FRMD6: variants seen among roughly 807,000 people sequenced by gnomAD.
FRMD6 encodes the protein FERM domain-containing protein 6.
FRMD6 carries 37 observed loss-of-function variants against 73.2 expected under a neutral mutation model. The observed-to-expected ratio is 0.51, with a 90% CI of 0.39 to 0.66. The LOEUF (loss-of-function observed/expected upper bound fraction) is 0.66, where lower values mean the gene tolerates loss of function less well. Among genes scored for constraint, FRMD6 ranks in the 30% least tolerant of loss-of-function variants. The pLI, the probability that FRMD6 is intolerant of heterozygous loss-of-function variation, is 0.00. For missense variants in FRMD6, 714 were observed against 780.5 expected, an observed-to-expected ratio of 0.91 and a Z score of 1.02; for synonymous variants, 273 against 282.2, an observed-to-expected ratio of 0.97 and a Z score of 0.33.
upstream of FRMD6, among the ~76,000 whole-genome samples, chr14:51,486,920 T>C (rs146548267): frequency 2.9e-3 from 430 of 146,200 alleles, 2 homozygotes; most frequent in South Asian, 5.6e-3. Context: ...CAGGATAGTA[T>C]ATAGGGTATA....
intron 1 of FRMD6, among the ~76,000 whole-genome samples, chr14:51,566,901 G>C (rs907120318): frequency 7.9e-5 from 12 of 152,218 alleles, no homozygotes; most frequent in Non-Finnish European, 1.6e-4. Flanking sequence ...TCACAGAATT[G>C]GTTGAGGTTG....
chr14:51,508,197 G>A (rs554572214), intron 1 of FRMD6, among the ~76,000 whole-genome samples: 11 of 151,924 alleles, frequency 7.2e-5, no homozygotes, highest in African/African-American at 2.4e-4. Flanking sequence ...GACCCCATCC[G>A]GCCCTGCCTG....
At chr14:51,509,398 A>G (rs1367706097) in intron 1 of FRMD6, among the ~76,000 whole-genome samples, 1 of 151,960 alleles carries the variant, frequency 6.6e-6, no homozygotes, top group Non-Finnish European at 1.5e-5. Flanking sequence ...GTAGTGGCAG[A>G]TGCCTGTAGT....
At chr14:51,416,099 A>C in the FRMD6 span, among the ~76,000 whole-genome samples, 2 of 152,100 alleles carry the variant, frequency 1.3e-5, no homozygotes, top group African/African-American at 4.8e-5. Context: ...TTTTCAAAAA[A>C]CCAGCTCCTG....
At chr14:51,496,643 A>C (rs1056325419) in intron 1 of FRMD6, among the ~76,000 whole-genome samples, 3 of 152,360 alleles carry the variant, frequency 2.0e-5, no homozygotes, top group African/African-American at 7.2e-5. Flanking sequence ...ATTGGGTAAA[A>C]CAAGTAAAAA....
chr14:51,460,275 G>A, the FRMD6 span, among the ~76,000 whole-genome samples: 1 of 152,120 alleles, frequency 6.6e-6, no homozygotes, highest in African/African-American at 2.4e-5. Context: ...GGGAACTGTT[G>A]GGGGAACTTG....
intron 2 of FRMD6, among the ~76,000 whole-genome samples, chr14:51,623,881 A>C (rs917728983): frequency 1.3e-5 from 2 of 152,366 alleles, no homozygotes. Flanking sequence ...GTCAATTATA[A>C]GGCAAGAACT....
At chr14:51,598,665 T>A (rs1889852533) in intron 2 of FRMD6, among the ~76,000 whole-genome samples, 1 of 152,180 alleles carries the variant, frequency 6.6e-6, no homozygotes, top group Non-Finnish European at 1.5e-5. Context: ...CATGTGGTAT[T>A]TGGTTTTCTA....
At chr14:51,583,011 C>G (rs1888815875) in intron 2 of FRMD6, among the ~76,000 whole-genome samples, 1 of 152,144 alleles carries the variant, frequency 6.6e-6, no homozygotes, top group South Asian at 2.1e-4. Flanking sequence ...ATAACTGCCT[C>G]AACATGGTGG....
At position 51,689,601 on chromosome 14, in the gene FRMD6, A is replaced by G. The variant is rs1211745172; in HGVS notation, c.-146-90A>G. On this transcript the variant is annotated intron_variant, in intron 1 of 13. Transcript: ENST00000344768. ...GAGATATGCTGTCCCTGTGCCCACA[A>G]TAGTAGTGGTGCTGTGCTTATCTTC... 15 of 513,650 alleles carry G rather than the reference A, an allele frequency of 2.9e-5. 1 individual carries two copies. The highest frequency in any genetic ancestry group is 2.0e-4 in the South Asian group (7 of 35,346). The allele number at this position is 513,650 out of a possible 1,614,324, so 31.8% of individuals were successfully genotyped here.
the FRMD6 span, among the ~76,000 whole-genome samples, chr14:51,406,065 T>C: frequency 1.3e-5 from 2 of 152,278 alleles, no homozygotes; most frequent in African/African-American, 4.8e-5. Context: ...TAGTGAGTTA[T>C]CCCAGCATCA....
At chr14:51,700,194 A>C (rs1896216148) in intron 3 of FRMD6, among the ~76,000 whole-genome samples, 1 of 152,008 alleles carries the variant, frequency 6.6e-6, no homozygotes, top group African/African-American at 2.4e-5. Context: ...GATAGTTAGA[A>C]TAAAAGGAGT....
At chr14:51,645,429 CT>C (rs924549892) in intron 2 of FRMD6, among the ~76,000 whole-genome samples, 1 of 151,852 alleles carries the variant, frequency 6.6e-6, no homozygotes, top group African/African-American at 2.4e-5. Flanking sequence ...CTAGGAGAGC[CT>C]TTTTTTCTTC....
At chr14:51,471,594 T>C in the FRMD6 span, among the ~76,000 whole-genome samples, 1 of 152,144 alleles carries the variant, frequency 6.6e-6, no homozygotes, top group Non-Finnish European at 1.5e-5. Flanking sequence ...ACATTCGGCA[T>C]TCTTGGAAAA....
At chr14:51,424,728 A>T in the FRMD6 span, among the ~76,000 whole-genome samples, 1 of 152,234 alleles carries the variant, frequency 6.6e-6, no homozygotes, top group African/African-American at 2.4e-5. Context: ...ATTCTTGCAG[A>T]TGTAAAAAAG....
At chr14:51,415,566 T>C in the FRMD6 span, among the ~76,000 whole-genome samples, 2 of 152,242 alleles carry the variant, frequency 1.3e-5, no homozygotes, top group East Asian at 3.8e-4. Flanking sequence ...AGTGTTTTAT[T>C]GAGGATTTTT....
At chr14:51,555,888 A>C (rs1269464604) in intron 1 of FRMD6, among the ~76,000 whole-genome samples, 1 of 152,120 alleles carries the variant, frequency 6.6e-6, no homozygotes, top group Non-Finnish European at 1.5e-5. Context: ...TGTTAATTAC[A>C]TGTTGGGTAC....
upstream of FRMD6, among the ~76,000 whole-genome samples, chr14:51,648,844 A>G (rs1196276693): frequency 6.6e-6 from 1 of 152,254 alleles, no homozygotes; most frequent in Non-Finnish European, 1.5e-5. Flanking sequence ...AAACAAAAGC[A>G]AAAATGTAGA....
chr14:51,406,952 A>G, the FRMD6 span, among the ~76,000 whole-genome samples: 2 of 152,174 alleles, frequency 1.3e-5, no homozygotes, highest in African/African-American at 4.8e-5. Context: ...TGATATTTAC[A>G]TATAGATTTT....
Sources: gnomAD v4.1 joint callset for allele counts (sites outside exome capture counted in the v4.1 genomes callset) on GRCh38, gnomAD v4.1.1 for gene constraint, MANE v1.5 for transcripts, NCBI Gene and HGNC (gene_info 2026-07-23, HGNC 2026-07-21) for gene names.